ATF3: variants seen among roughly 807,000 people sequenced by gnomAD.
ATF3 encodes activating transcription factor 3, also known as cyclic AMP-dependent transcription factor ATF-3.
A neutral mutation model predicts 18.4 loss-of-function variants in ATF3; 10 were observed. The ratio of observed to expected loss-of-function variants is 0.54; its 90% CI spans 0.34 to 0.92. The LOEUF (loss-of-function observed/expected upper bound fraction) is 0.92. ATF3 is among the 40% of genes least tolerant of loss of function. ATF3 has a pLI of 0.02. For synonymous variants in ATF3, 78 were observed against 87.9 expected (o/e 0.89, Z 0.63); for missense variants, 183 against 222.3 (o/e 0.82, Z 1.12).
rs35370546 is a variant in ATF3, at chr1:212,619,563, T to C, written c.*8T>C. On this transcript the variant is annotated 3_prime_UTR_variant, in exon 4 of 4. Transcript: ENST00000341491. This position sits in a 1 kb window ranked among gnomAD's most constrained non-coding sequence, Gnocchi z 4.4. ...GGAACATTGCAGAGCTAAGCAGTCG[T>C]GGTATGGGGGCGACTGGGGAGTCCT... is the stretch of plus-strand genomic sequence containing the variant. 7.1e-5 allele frequency: 114 copies of C among 1,613,752 alleles called. No individual in the cohort carries two copies. In the East Asian group the frequency reaches 2.5e-3, roughly 35 times the overall value.
intron 2 of ATF3, among the ~76,000 whole-genome samples, 178 bp downstream of exon 2, chr1:212,615,439 G>A (rs1289964208): frequency 2.0e-5 from 3 of 152,084 alleles, no homozygotes; most frequent in Non-Finnish European, 2.9e-5. Flanking sequence ...GTAAGTACAC[G>A]TTAAGAGATG....
chr1:212,618,465 CTGACTCCCA>C lies in ATF3; in HGVS notation c.348+232_348+240del. 2 of 553,446 alleles carry C rather than the reference CTGACTCCCA, an allele frequency of 3.6e-6. No homozygotes were observed. Among genetic ancestry groups the C allele is most frequent in the Non-Finnish European group, 3.3e-6 (1 of 306,732 alleles). The allele number at this position is 553,446 out of a possible 1,614,324, so 34.3% of individuals were successfully genotyped here. On this transcript the variant is annotated intron_variant, in intron 3 of 3. Transcript: ENST00000341491. The surrounding 1 kb of genome is among the most constrained non-coding windows in gnomAD (Gnocchi z 4.4). Reference sequence around the variant, plus strand: ...ACAGGTGTGTGAATTCGTCTGATGCCTGACTCCCAGCAGCCTCGGCCGGTTCATACATGT... The same window carrying C: ...ACAGGTGTGTGAATTCGTCTGATGCCGCAGCCTCGGCCGGTTCATACATGT...
rs543175411 is a variant in ATF3 at position 212,592,839 on chromosome 1, G to A, written c.-4-22179G>A. On this transcript the variant is annotated intron_variant, in intron 1 of 3. Coordinates refer to the ATF3 transcript ENST00000366981. ...GTGCTGCCAGCCCGATACATCCATT[G>A]ATAACATGGCATTTAAAGATAAGTG... Among the ~76,000 whole-genome samples the A allele has an allele frequency of 4.2e-3, 636 of 152,142 alleles. 7 individuals are homozygous for A. The highest frequency in any genetic ancestry group is 0.014 in the African/African-American group (599 of 41,482).
chr1:212,605,491 C>A (rs1654598082), upstream of ATF3, among the ~76,000 whole-genome samples: 1 of 152,212 alleles, frequency 6.6e-6, no homozygotes, highest in Non-Finnish European at 1.5e-5. Flanking sequence ...TCTGGCAGAT[C>A]TTATCTTGTG....
chr1:212,589,512 A>G (rs1664842285), intron 1 of ATF3, among the ~76,000 whole-genome samples: 1 of 152,050 alleles, frequency 6.6e-6, no homozygotes, highest in African/African-American at 2.4e-5. Context: ...GGGGAAAGGA[A>G]TAAGAGATTA....
At chr1:212,572,489 A>G (rs1664503326) in intron 1 of ATF3, among the ~76,000 whole-genome samples, 1 of 152,232 alleles carries the variant, frequency 6.6e-6, no homozygotes, top group Non-Finnish European at 1.5e-5. Context: ...ATTGAGCTAC[A>G]GCCTGAGCAA....
At chr1:212,595,706 T>C (rs1305949144) in intron 1 of ATF3, among the ~76,000 whole-genome samples, 1 of 152,246 alleles carries the variant, frequency 6.6e-6, no homozygotes, top group African/African-American at 2.4e-5. Context: ...CCGGATGACC[T>C]GTTCAGTCCC....
intron 2 of ATF3, among the ~76,000 whole-genome samples, 179 bp from the exon 3 acceptor site, chr1:212,617,948 T>C (rs11581866): frequency 7.8e-3 from 102 of 13,022 alleles, no homozygotes; most frequent in East Asian, 0.027. Flanking sequence ...TGTGTGTGCG[T>C]GTGTGTGTGT....
At chr1:212,596,482 T>C (rs1022887608) in intron 1 of ATF3, among the ~76,000 whole-genome samples, 1 of 152,256 alleles carries the variant, frequency 6.6e-6, no homozygotes, top group African/African-American at 2.4e-5. Context: ...GGGAGTTCAT[T>C]GCTTTGGTGA....
At chr1:212,591,455 C>G (rs1664882934) in intron 1 of ATF3, among the ~76,000 whole-genome samples, 1 of 152,162 alleles carries the variant, frequency 6.6e-6, no homozygotes, top group South Asian at 2.1e-4. Flanking sequence ...CTGGCAAGAG[C>G]AGAGGTCAGG....
At chr1:212,607,600 G>T (rs916704383), upstream of ATF3, among the ~76,000 whole-genome samples, 1 of 152,238 alleles carries the variant, frequency 6.6e-6, no homozygotes, top group Admixed American at 6.5e-5. Flanking sequence ...TGCGGGTTCC[G>T]CCTGTGGTCA....
In ATF3 at chr1:212,581,771, A is replaced by T. The variant is rs537375084; in HGVS notation, c.-5+16288A>T. The stretch of plus-strand genomic sequence containing the variant: ...TACATGTGAAATATCTTACACACAG[A>T]TATAATAAAAGCTTGCCAGCATTTT... On this transcript the variant is annotated intron_variant, in intron 1 of 3. Coordinates refer to the ATF3 transcript ENST00000366981. Among the ~76,000 whole-genome samples the T allele has an allele frequency of 2.0e-5, 3 of 152,338 alleles. No homozygotes were observed. The South Asian group carries it at 6.2e-4, about 32-fold the overall frequency.
intron 1 of ATF3, among the ~76,000 whole-genome samples, chr1:212,586,860 T>C (rs1664788317): frequency 6.6e-6 from 1 of 152,186 alleles, no homozygotes; most frequent in African/African-American, 2.4e-5. Flanking sequence ...CCAAAGGTAA[T>C]TGATGGGGAG....
At chr1:212,597,052 A>T (rs3125295) in intron 1 of ATF3, among the ~76,000 whole-genome samples, 62,243 of 152,124 alleles carry the variant, frequency 0.41, 13,065 homozygotes, top group East Asian at 0.54. Flanking sequence ...TGTGAGGAAG[A>T]TGCGGGGGCA....
At chr1:212,610,567 G>A (rs1160297043) in intron 1 of ATF3, among the ~76,000 whole-genome samples, 2 of 152,198 alleles carry the variant, frequency 1.3e-5, no homozygotes, top group Non-Finnish European at 2.9e-5. Flanking sequence ...CCGCAGTGGG[G>A]ATAAGATACA....
rs1655234488 is a variant in ATF3 at position 212,618,558 on chromosome 1, T to G, written c.348+324T>G. On this transcript the variant is annotated intron_variant, in intron 3 of 3. Transcript: ENST00000341491. The surrounding 1 kb of genome is among the most constrained non-coding windows in gnomAD (Gnocchi z 4.4). Reference sequence around the variant, plus strand: ...CAGTTAAAGAGGCTTCACTTGACTGTTTTCCTGAGAAAAGGAAGCTGCCAG... The same window carrying G: ...CAGTTAAAGAGGCTTCACTTGACTGGTTTCCTGAGAAAAGGAAGCTGCCAG... 2 of 419,324 alleles carry G rather than the reference T, an allele frequency of 4.8e-6. No homozygotes were observed. The highest frequency in any genetic ancestry group is 4.9e-5 in the South Asian group (2 of 40,848). The allele number at this position is 419,324 out of a possible 1,614,324, so 26.0% of individuals were successfully genotyped here.
chr1:212,596,698 T>G (rs1303525417), intron 1 of ATF3, among the ~76,000 whole-genome samples: 2 of 152,206 alleles, frequency 1.3e-5, no homozygotes, highest in East Asian at 1.9e-4. Context: ...TCAAGGCCAA[T>G]GCCAAGGGGG....
chr1:212,602,343 A>G (rs1030486066), intron 1 of ATF3, among the ~76,000 whole-genome samples: 1 of 152,164 alleles, frequency 6.6e-6, no homozygotes, highest in African/African-American at 2.4e-5. Context: ...GTGGAGGGCA[A>G]AAAAGGGGTT....
Position 212,618,266 on chromosome 1 carries a change from G to A in ATF3, c.348+32G>A, listed in dbSNP as rs752571298. On this transcript the variant is annotated intron_variant, in intron 3 of 3. Coordinates refer to ENST00000341491, the MANE Select transcript of ATF3 (RefSeq NM_001674.4). This position sits in a 1 kb window ranked among gnomAD's most constrained non-coding sequence, Gnocchi z 4.4. ...GCCTTCTAGCCTTACCCTTCCTCTCGCTCACGCCTGTCTTCACCAGCTTCA... is the reference window on the plus strand; with the variant it reads ...GCCTTCTAGCCTTACCCTTCCTCTCACTCACGCCTGTCTTCACCAGCTTCA... The A allele has an allele frequency of 3.6e-5, 57 of 1,598,376 alleles. No individual in the cohort carries two copies. Among genetic ancestry groups the A allele is most frequent in the Middle Eastern group, 1.7e-4 (1 of 6,014 alleles).
Sources: allele counts gnomAD v4.1 joint callset (sites outside exome capture counted in the v4.1 genomes callset), GRCh38; gene constraint gnomAD v4.1.1; non-coding constraint Gnocchi (gnomAD v3.1); transcripts MANE v1.5; gene names NCBI Gene and HGNC (gene_info 2026-07-23, HGNC 2026-07-21).